Variants in SMARCA4 observed in about 807,000 individuals in gnomAD.
The protein encoded by SMARCA4 is SWI/SNF related BAF chromatin remodeling complex subunit ATPase 4, also known as SWI/SNF-related matrix-associated actin-dependent regulator of chromatin subfamily A member 4.
Under a neutral mutation model 193.9 loss-of-function variants are expected in SMARCA4, and 31 were observed. The observed-to-expected ratio is 0.16, with a 90% CI of 0.12 to 0.22. SMARCA4 has a LOEUF of 0.22. SMARCA4 is among the 10% of genes least tolerant of loss of function. SMARCA4 has a pLI of 1.00. For synonymous variants in SMARCA4, 942 were observed against 933.1 expected (o/e 1.01, Z -0.17); for missense variants, 1,148 against 2,296.0 (o/e 0.50, Z 10.22).
chr19:11,042,339 C>T (rs2075666932), intron 30 of SMARCA4, among the ~76,000 whole-genome samples: 2 of 152,198 alleles, frequency 1.3e-5, no homozygotes, highest in Admixed American at 6.5e-5. Flanking sequence ...CAGCAACTCC[C>T]CAGGGAGGCA....
intron 9 of SMARCA4, chr19:10,995,335 T>C: frequency 2.0e-6 from 1 of 511,358 alleles, no homozygotes; most frequent in South Asian, 1.5e-5. Context: ...TCTCTGACCA[T>C]TTATTTGTGA....
At position 11,047,653 on chromosome 19, in the gene SMARCA4, G is replaced by A. The variant is rs545702645; in HGVS notation, c.4424+6093G>A. On this transcript the variant is annotated intron_variant, in intron 30 of 34. Transcript: ENST00000344626. ...TCGAACTCCCGACCTTAAGTGATCC[G>A]CCCGCCTCAGCCTCCCGAAGTGTTG... 1.2e-4 allele frequency: 19 copies of A among 152,180 alleles called. No individual in the cohort carries two copies. The East Asian group carries it at 1.5e-3, about 12-fold the overall frequency. The allele number at this position is 152,180 out of a possible 1,614,324, so 9.4% of individuals were successfully genotyped here. A position where few individuals can be genotyped will look rare whatever the true frequency, so the allele number is the denominator to read the frequency against.
chr19:11,047,012 T>C (rs1003692980), intron 30 of SMARCA4, among the ~76,000 whole-genome samples: 10 of 148,810 alleles, frequency 6.7e-5, no homozygotes, highest in Middle Eastern at 3.3e-3. Context: ...TCAAACATGA[T>C]GTTTGGGTAC....
rs1371245653 is a variant in SMARCA4 at position 10,987,990 on chromosome 19, C to T, written c.1118+66C>T. The stretch of plus-strand genomic sequence containing the variant: ...CCCCCATGTCCCCCTGGGGAAGCCA[C>T]TCAACTTTCTCCCCCACTCTAGCAA... On this transcript the variant is annotated intron_variant, in intron 6 of 34. Transcript: ENST00000344626. The surrounding 1 kb of genome is among the most constrained non-coding windows in gnomAD (Gnocchi z 5.3). 20 of 1,536,398 alleles carry T rather than the reference C, an allele frequency of 1.3e-5. No homozygotes were observed. The highest frequency in any genetic ancestry group is 2.7e-5 in the African/African-American group (2 of 73,380).
In SMARCA4 at chr19:10,997,693, C is replaced by A. The variant is rs1026786807; in HGVS notation, c.1812+1149C>A. ...ATGTTTTTCAGGCTAGTCTCCAATT[C>A]CTGGGCTCAGGCATCCTCCTGCCTC... On this transcript the variant is annotated intron_variant, in intron 11 of 34. Transcript: ENST00000344626. Among the ~76,000 whole-genome samples, 8 of 152,138 alleles carry A rather than the reference C, an allele frequency of 5.3e-5. 1 individual carries two copies. Among genetic ancestry groups the A allele is most frequent in the Admixed American group, 4.6e-4 (7 of 15,252 alleles).
rs2086015550 is a variant in SMARCA4, at chr19:10,986,197, T to C, written c.364T>C (p.Ser122Pro). ...PMDQHSQGYP[S>P]PLGGSEHASS... ...CTGACCTTTCTCTGCAGGTTACCCC[T>C]CGCCCCTGGGTGGCTCTGAGCATGC... The change falls in exon 4 of 35, where the codon TCG becomes CCG. Residue 122 changes from serine to proline, a missense_variant. By Grantham distance (74) the Ser-to-Pro change is moderately conservative (BLOSUM62 -1). Transcript: ENST00000344626. The surrounding 1 kb of genome is among the most constrained non-coding windows in gnomAD (Gnocchi z 6.7). 6.2e-7 allele frequency: 1 copy of C among 1,613,792 alleles called. No homozygotes were observed. The highest frequency in any genetic ancestry group is 8.5e-7 in the Non-Finnish European group (1 of 1,179,942).
At chr19:11,046,236 A>C (rs534383239) in intron 30 of SMARCA4, among the ~76,000 whole-genome samples, 8 of 152,180 alleles carry the variant, frequency 5.3e-5, no homozygotes, top group African/African-American at 1.7e-4. Flanking sequence ...AAAAAAAAAA[A>C]AACCCCAAAT....
At chr19:11,043,090 A>C (rs1190267776) in intron 30 of SMARCA4, among the ~76,000 whole-genome samples, 1 of 152,186 alleles carries the variant, frequency 6.6e-6, no homozygotes, top group Non-Finnish European at 1.5e-5. Flanking sequence ...CAGGAGTTTG[A>C]AACCAGCATG....
chr19:11,060,730 C>T (rs1157598993), intron 34 of SMARCA4, among the ~76,000 whole-genome samples: 1 of 152,204 alleles, frequency 6.6e-6, no homozygotes, highest in Non-Finnish European at 1.5e-5. Flanking sequence ...CTTTGCTTCT[C>T]AAGCTTCAGT....
chr19:11,059,372 T>G (rs1284516313), intron 32 of SMARCA4: 1 of 340,774 alleles, frequency 2.9e-6, no homozygotes, highest in Admixed American at 4.5e-5. Context: ...TTGGGATTGA[T>G]TCCTCTCAGA....
chr19:10,972,964 C>CCAGGT (rs2084800326), intron 1 of SMARCA4, among the ~76,000 whole-genome samples: 1 of 152,168 alleles, frequency 6.6e-6, no homozygotes, highest in Non-Finnish European at 1.5e-5. Context: ...CGAAAATTAG[C>CCAGGT]TGGGCATGGC....
At chr19:10,963,211 A>G (rs191279532) in intron 1 of SMARCA4, among the ~76,000 whole-genome samples, 1 of 151,850 alleles carries the variant, frequency 6.6e-6, no homozygotes, top group Non-Finnish European at 1.5e-5. Context: ...CATCTCTACA[A>G]AAAATACAAA....
At chr19:10,977,705 G>A (rs2085256189) in intron 1 of SMARCA4, 1 of 152,258 alleles carries the variant, frequency 6.6e-6, no homozygotes, top group African/African-American at 2.4e-5. Context: ...GACCTCATCT[G>A]TGTGATGCTC....
chr19:11,050,929 T>C (rs996484589), intron 30 of SMARCA4, among the ~76,000 whole-genome samples: 3 of 152,224 alleles, frequency 2.0e-5, no homozygotes, highest in Non-Finnish European at 4.4e-5. Flanking sequence ...GCCTGGACCC[T>C]GGTGCTGTGC....
intron 6 of SMARCA4, among the ~76,000 whole-genome samples, 189 bp from the exon 7 acceptor site, chr19:10,989,128 C>T (rs908934733): frequency 3.9e-5 from 6 of 152,218 alleles, no homozygotes; most frequent in African/African-American, 7.2e-5. Context: ...CCCTGAGGCC[C>T]GGTCCTGAGG....
chr19:10,989,461 C>T lies in SMARCA4; in HGVS notation c.1245+18C>T, dbSNP rs376247014. On this transcript the variant is annotated intron_variant, in intron 7 of 34. Transcript: ENST00000344626. ...AGAGGCAGGTGGGTGCTGGCATGGC[C>T]GCAGCTTTCCGAAAAGGGCCTTTGT... The T allele has an allele frequency of 9.2e-5, 148 of 1,613,412 alleles. No homozygotes were observed. Among genetic ancestry groups the T allele is most frequent in the African/African-American group, 6.0e-4 (45 of 75,044 alleles).
At chr19:11,011,504 T>G (rs2088843169) in intron 15 of SMARCA4, among the ~76,000 whole-genome samples, 1 of 152,148 alleles carries the variant, frequency 6.6e-6, no homozygotes, top group South Asian at 2.1e-4. Flanking sequence ...GGATTACAGA[T>G]GTAAGCCAGT....
intron 30 of SMARCA4, among the ~76,000 whole-genome samples, chr19:11,043,285 T>A (rs1156847727): frequency 2.0e-5 from 3 of 151,542 alleles, no homozygotes; most frequent in Admixed American, 1.3e-4. Flanking sequence ...TGAGACTCCG[T>A]CTCAAAAAGA....
chr19:11,031,081 CAA>C lies in SMARCA4; in HGVS notation c.3546+191_3546+192del. 1 of 648,404 alleles carries C rather than the reference CAA, an allele frequency of 1.5e-6. No homozygotes were observed. The highest frequency in any genetic ancestry group is 1.6e-5 in the South Asian group (1 of 60,632). The allele number at this position is 648,404 out of a possible 1,614,324, so 40.2% of individuals were successfully genotyped here. ...AAAGAGGCGGGGTCCTCCTGTTTCC[CAA>C]AATACAAACAGCCTTTCCCTCTGAT... On this transcript the variant is annotated intron_variant, in intron 25 of 34. Coordinates refer to ENST00000344626, the MANE Select transcript of SMARCA4 (RefSeq NM_003072.5). This position sits in a 1 kb window ranked among gnomAD's most constrained non-coding sequence, Gnocchi z 4.3.
Sources: allele counts gnomAD v4.1 joint callset (sites outside exome capture counted in the v4.1 genomes callset), GRCh38; gene constraint gnomAD v4.1.1; non-coding constraint Gnocchi (gnomAD v3.1); transcripts MANE v1.5; gene names NCBI Gene and HGNC (gene_info 2026-07-23, HGNC 2026-07-21).